NAALADL2: variants seen among roughly 807,000 people sequenced by gnomAD.
NAALADL2 encodes the protein N-acetylated alpha-linked acidic dipeptidase like 2, also known as inactive N-acetylated-alpha-linked acidic dipeptidase-like protein 2.
Under a neutral mutation model 87.2 loss-of-function variants are expected in NAALADL2, and 76 were observed. The ratio of observed to expected loss-of-function variants is 0.87; its 90% CI spans 0.72 to 1.05. The LOEUF (loss-of-function observed/expected upper bound fraction) is 1.05. Among genes scored for constraint, NAALADL2 ranks in the 50% least tolerant of loss-of-function variants. The pLI is 0.00. For missense variants in NAALADL2, 1,089 were observed against 945.8 expected (o/e 1.15, Z -1.99); for synonymous variants, 354 against 331.0 (o/e 1.07, Z -0.75).
intron 11 of NAALADL2, among the ~76,000 whole-genome samples, chr3:175,660,517 A>G (rs748806713): frequency 2.0e-5 from 3 of 152,152 alleles, no homozygotes; most frequent in Non-Finnish European, 4.4e-5. Flanking sequence ...TTGGAACATT[A>G]CATTTCTTCC....
intron 1 of NAALADL2, among the ~76,000 whole-genome samples, chr3:174,990,148 A>T (rs371148331): frequency 2.0e-5 from 3 of 152,186 alleles, no homozygotes; most frequent in Non-Finnish European, 4.4e-5. Context: ...CGCAAATGCC[A>T]CACTACATCC....
At chr3:174,539,977 GAAAAAAAAAAAA>G (rs57394560) in intron 1 of NAALADL2, among the ~76,000 whole-genome samples, 2 of 51,178 alleles carry the variant, frequency 3.9e-5, no homozygotes, top group Non-Finnish European at 7.6e-5. Flanking sequence ...GGAAGTTCTG[GAAAAAAAAAAAA>G]AAAAAAAAAA....
upstream of NAALADL2, among the ~76,000 whole-genome samples, chr3:174,857,858 C>T (rs1317449982): frequency 6.6e-6 from 1 of 151,938 alleles, no homozygotes; most frequent in Non-Finnish European, 1.5e-5. Flanking sequence ...AGAGACAACT[C>T]CCAATTGCAA....
intron 9 of NAALADL2, among the ~76,000 whole-genome samples, chr3:175,473,323 T>C (rs1725169661): frequency 2.0e-5 from 3 of 152,074 alleles, no homozygotes; most frequent in Non-Finnish European, 4.4e-5. Context: ...AGAGGAATCT[T>C]TTCTGTTCTA....
chr3:175,070,024 AG>A (rs1715316692), intron 1 of NAALADL2, among the ~76,000 whole-genome samples: 1 of 101,582 alleles, frequency 9.8e-6, no homozygotes, highest in Non-Finnish European at 2.0e-5. Flanking sequence ...GGGTAGGGGG[AG>A]GGGGGAGGGA....
At chr3:174,641,761 AT>A (rs11295361) in intron 2 of NAALADL2, among the ~76,000 whole-genome samples, 79,775 of 151,560 alleles carry the variant, frequency 0.53, 21,480 homozygotes, top group Middle Eastern at 0.66. Flanking sequence ...TTTTTCAGAA[AT>A]TTTTTTTTGT....
chr3:175,011,972 A>C (rs1025388708), intron 1 of NAALADL2, among the ~76,000 whole-genome samples: 7 of 152,256 alleles, frequency 4.6e-5, no homozygotes, highest in Non-Finnish European at 8.8e-5. Context: ...GAAGGTTATC[A>C]GTTTCATTGC....
intron 1 of NAALADL2, among the ~76,000 whole-genome samples, chr3:174,458,043 A>G (rs1425699434): frequency 6.6e-6 from 1 of 152,174 alleles, no homozygotes; most frequent in East Asian, 1.9e-4. Context: ...ATGGGTACCA[A>G]GCTTGATACC....
intron 1 of NAALADL2, among the ~76,000 whole-genome samples, chr3:174,477,209 A>G (rs182045391): frequency 2.4e-4 from 37 of 152,232 alleles, no homozygotes; most frequent in African/African-American, 8.2e-4. Flanking sequence ...TTTCCTTGTG[A>G]CCATTTTGTC....
intron 2 of NAALADL2, among the ~76,000 whole-genome samples, chr3:174,632,377 G>A (rs916296564): frequency 1.3e-5 from 2 of 152,164 alleles, no homozygotes; most frequent in African/African-American, 4.8e-5. Context: ...CCCTCACGTT[G>A]ATTACATTAA....
intron 1 of NAALADL2, among the ~76,000 whole-genome samples, chr3:174,875,537 CA>C (rs1728401035): frequency 6.6e-6 from 1 of 152,064 alleles, no homozygotes; most frequent in Non-Finnish European, 1.5e-5. Context: ...ATCTCAACAG[CA>C]TTAAAATGAT....
At chr3:175,382,206 A>C (rs1281365286) in intron 5 of NAALADL2, among the ~76,000 whole-genome samples, 1 of 152,152 alleles carries the variant, frequency 6.6e-6, no homozygotes, top group African/African-American at 2.4e-5. Context: ...AAAATAGAAA[A>C]ATAAATGAAG....
chr3:174,826,448 C>T (rs1394275113), intron 3 of NAALADL2, among the ~76,000 whole-genome samples: 2 of 152,162 alleles, frequency 1.3e-5, no homozygotes, highest in Non-Finnish European at 2.9e-5. Context: ...TTAATATACT[C>T]AAATTACTTG....
chr3:175,079,378 C>G (rs1223342888), intron 1 of NAALADL2: 3 of 152,104 alleles, frequency 2.0e-5, no homozygotes, highest in Non-Finnish European at 4.4e-5. Context: ...GGTGGGTTGC[C>G]TTTTCACTTT....
intron 1 of NAALADL2, among the ~76,000 whole-genome samples, chr3:174,882,559 GTA>G (rs1410282696): frequency 3.6e-5 from 5 of 140,660 alleles, no homozygotes; most frequent in South Asian, 4.2e-4. Context: ...GTACATATGT[GTA>G]TATATACATA....
At chr3:174,709,364 A>G (rs939988842) in intron 2 of NAALADL2, among the ~76,000 whole-genome samples, 26 of 152,230 alleles carry the variant, frequency 1.7e-4, no homozygotes, top group African/African-American at 6.0e-4. Context: ...CTAGCTCTTA[A>G]TTCTCAAAGT....
At chr3:174,695,086 T>A (rs918980557) in intron 2 of NAALADL2, among the ~76,000 whole-genome samples, 12 of 152,032 alleles carry the variant, frequency 7.9e-5, no homozygotes, top group African/African-American at 2.4e-5. Flanking sequence ...TTATTGTCTG[T>A]TTTCTTCCCC....
intron 3 of NAALADL2, among the ~76,000 whole-genome samples, chr3:174,821,015 A>G (rs1466678894): frequency 6.6e-6 from 1 of 152,172 alleles, no homozygotes; most frequent in African/African-American, 2.4e-5. Flanking sequence ...TCCCTTCCCC[A>G]GGTCAACATT....
intron 1 of NAALADL2, among the ~76,000 whole-genome samples, chr3:174,503,253 T>C (rs1258906235): frequency 6.6e-6 from 1 of 152,192 alleles, no homozygotes; most frequent in Non-Finnish European, 1.5e-5. Context: ...TACTCTAATG[T>C]AGAAAATGTC....
Sources: allele counts gnomAD v4.1 joint callset (sites outside exome capture counted in the v4.1 genomes callset), GRCh38; gene constraint gnomAD v4.1.1; transcripts MANE v1.5; gene names NCBI Gene and HGNC (gene_info 2026-07-23, HGNC 2026-07-21).